Variants in PRKD3 observed in about 807,000 individuals in gnomAD.
The protein encoded by PRKD3 is serine/threonine-protein kinase D3.
PRKD3 carries 47 observed loss-of-function variants against 99.2 expected under a neutral mutation model. The ratio of observed to expected loss-of-function variants is 0.47; its 90% CI spans 0.38 to 0.60. The LOEUF is 0.60. Among genes scored for constraint, PRKD3 ranks in the 20% least tolerant of loss-of-function variants. The pLI, the probability that PRKD3 is intolerant of heterozygous loss-of-function variation, is 0.00. For missense variants in PRKD3, 1,019 were observed against 1,088.4 expected, an observed-to-expected ratio of 0.94 and a Z score of 0.90; for synonymous variants, 392 against 355.4, an observed-to-expected ratio of 1.10 and a Z score of -1.16.
intron 3 of PRKD3, among the ~76,000 whole-genome samples, chr2:37,292,168 C>T (rs556884366): frequency 7.2e-5 from 11 of 152,078 alleles, no homozygotes; most frequent in South Asian, 4.2e-4. Context: ...TTTCTAAACC[C>T]CAATTTTCTT....
intron 16 of PRKD3, 81 bp from the exon 17 acceptor site, chr2:37,257,010 T>G: frequency 7.0e-7 from 1 of 1,434,120 alleles, no homozygotes; most frequent in South Asian, 1.2e-5. Flanking sequence ...ACACTGTATG[T>G]ATCATTTCAA....
At chr2:37,273,071 G>A (rs1286069895) in intron 11 of PRKD3, among the ~76,000 whole-genome samples, 1 of 152,166 alleles carries the variant, frequency 6.6e-6, no homozygotes, top group Non-Finnish European at 1.5e-5. Flanking sequence ...CTTTTGGTGA[G>A]TGGAAGAGGT....
chr2:37,286,394 G>C, intron 5 of PRKD3, 25 bp from the exon 6 acceptor site: 2 of 1,590,470 alleles, frequency 1.3e-6, no homozygotes, highest in Non-Finnish European at 1.7e-6. Flanking sequence ...ATTTTCATAA[G>C]TGTAAGTCAA....
chr2:37,266,999 T>C (rs1482717177), intron 14 of PRKD3, among the ~76,000 whole-genome samples: 1 of 152,182 alleles, frequency 6.6e-6, no homozygotes, highest in African/African-American at 2.4e-5. Flanking sequence ...TGCCAATATA[T>C]CTTTAAAATA....
At chr2:37,300,992 G>T (rs1438277884) in intron 2 of PRKD3, among the ~76,000 whole-genome samples, 1 of 146,190 alleles carries the variant, frequency 6.8e-6, no homozygotes, top group Non-Finnish European at 1.5e-5. Flanking sequence ...GATGAAAAAT[G>T]GTATTTTTGT....
Position 37,290,940 on chromosome 2 carries a change from TG to T in PRKD3, c.486del (p.Tyr162Ter). ...CAGTAATCACAGAAAGTAGGAGCTTTGTAAGAATGTACATAGAGAGTATGTG... is the reference window on the plus strand; with the variant it reads ...CAGTAATCACAGAAAGTAGGAGCTTTTAAGAATGTACATAGAGAGTATGTG... The part of the protein sequence containing the change: ...IRPHTLYVHS[Y>X]KAPTFCDYCG... On this transcript the variant is annotated frameshift_variant, in exon 4 of 19. Transcript: ENST00000234179. LOFTEE classifies it high-confidence loss of function. 6.2e-7 allele frequency: 1 copy of T among 1,606,334 alleles called. No homozygotes were observed. The highest frequency in any genetic ancestry group is 8.5e-7 in the Non-Finnish European group (1 of 1,172,870).
At chr2:37,324,312 A>AACG in intron 1 of PRKD3, 1 of 764,088 alleles carries the variant, frequency 1.3e-6, no homozygotes, top group Non-Finnish European at 1.6e-6. Flanking sequence ...GAGACCCGGG[A>AACG]ACGGATCGCC....
intron 2 of PRKD3, among the ~76,000 whole-genome samples, chr2:37,302,221 G>A (rs941307088): frequency 6.6e-6 from 1 of 152,044 alleles, no homozygotes; most frequent in African/African-American, 2.4e-5. Flanking sequence ...CTTTAATTTG[G>A]CCTCTTTCCA....
intron 9 of PRKD3, among the ~76,000 whole-genome samples, chr2:37,276,948 A>G (rs1489249566): frequency 2.0e-5 from 3 of 151,962 alleles, no homozygotes; most frequent in Non-Finnish European, 4.4e-5. Context: ...CCTTTGATAT[A>G]CCATTAAATT....
intron 2 of PRKD3, among the ~76,000 whole-genome samples, chr2:37,296,491 G>A (rs927756082): frequency 6.6e-6 from 1 of 151,526 alleles, no homozygotes; most frequent in Non-Finnish European, 1.5e-5. Context: ...CTATACGACA[G>A]ACAAATTAGA....
intron 2 of PRKD3, among the ~76,000 whole-genome samples, chr2:37,301,321 T>A (rs555911310): frequency 6.6e-6 from 1 of 152,308 alleles, no homozygotes; most frequent in African/African-American, 2.4e-5. Context: ...TAGCTTCTTG[T>A]TCTAAATCAG....
chr2:37,290,507 T>G (rs1670359906), intron 4 of PRKD3, among the ~76,000 whole-genome samples: 1 of 152,216 alleles, frequency 6.6e-6, no homozygotes, highest in Non-Finnish European at 1.5e-5. Flanking sequence ...GTGCTAGGAT[T>G]ACAGGTGTGA....
chr2:37,319,489 T>C (rs1008316108), intron 1 of PRKD3, among the ~76,000 whole-genome samples: 1 of 152,146 alleles, frequency 6.6e-6, no homozygotes, highest in Non-Finnish European at 1.5e-5. Context: ...TAAAGGTAAG[T>C]GTAAAGCTTT....
At chr2:37,259,814 CCTT>C (rs1473147257) in intron 15 of PRKD3, 133 bp from the exon 16 acceptor site, 4 of 630,254 alleles carry the variant, frequency 6.3e-6, no homozygotes, top group Non-Finnish European at 1.1e-5. Context: ...TTATTCTGCT[CCTT>C]AAGGTTAACA....
intron 6 of PRKD3, among the ~76,000 whole-genome samples, chr2:37,285,136 A>C (rs1256403094): frequency 6.6e-6 from 1 of 152,162 alleles, no homozygotes; most frequent in South Asian, 2.1e-4. Flanking sequence ...TGAAAAAAGT[A>C]TATAAGATTA....
intron 14 of PRKD3, 125 bp from the exon 15 acceptor site, chr2:37,260,509 A>T: frequency 1.1e-6 from 1 of 882,974 alleles, no homozygotes; most frequent in Non-Finnish European, 1.7e-6. Flanking sequence ...CAAAGCAAAC[A>T]AAATAAAAAT....
At chr2:37,266,860 T>C (rs1050673825) in intron 14 of PRKD3, among the ~76,000 whole-genome samples, 1 of 152,206 alleles carries the variant, frequency 6.6e-6, no homozygotes, top group Non-Finnish European at 1.5e-5. Context: ...TTGCATATTA[T>C]AAATTATTTA....
In PRKD3 at chr2:37,267,474, T is replaced by C; in HGVS notation, c.1840A>G (p.Thr614Ala). Reference protein sequence around the residue: ...IKVIDKMRFPTKQESQLRNEV... With the variant: ...IKVIDKMRFPAKQESQLRNEV... Reference sequence around the variant, plus strand: ...TTACGGAGTTGACTTTCTTGTTTTGTGGGGAATCTCATCTTATCAATTACT... The same window carrying C: ...TTACGGAGTTGACTTTCTTGTTTTGCGGGGAATCTCATCTTATCAATTACT... The change falls in exon 14 of 19, where the codon ACA becomes GCA. Residue 614 changes from threonine (T) to alanine (A), a missense_variant. Physicochemically the swap from Thr to Ala is moderately conservative, Grantham distance 58. This residue lies in a region of PRKD3 where 184 missense variants were observed against 275.1 expected (regional missense o/e 0.67). Transcript: ENST00000234179. 1.2e-6 allele frequency: 2 copies of C among 1,611,162 alleles called. No individual in the cohort carries two copies. The highest frequency in any genetic ancestry group is 1.7e-6 in the Non-Finnish European group (2 of 1,178,270).
chr2:37,258,234 G>T (rs1372550562), intron 16 of PRKD3, among the ~76,000 whole-genome samples: 1 of 152,178 alleles, frequency 6.6e-6, no homozygotes, highest in East Asian at 1.9e-4. Context: ...TGCTATTTCT[G>T]GGATGGTGGA....
Sources: gnomAD v4.1 joint callset for allele counts (sites outside exome capture counted in the v4.1 genomes callset) on GRCh38, gnomAD v4.1.1 for gene constraint, gnomAD v4.1.1 regional missense constraint, MANE v1.5 for transcripts, NCBI Gene and HGNC (gene_info 2026-07-23, HGNC 2026-07-21) for gene names.